The following IQGAP1 variants were observed in gnomAD, a reference collection of about 807,000 sequenced individuals.
IQGAP1 encodes the protein ras GTPase-activating-like protein IQGAP1.
IQGAP1 carries 66 observed loss-of-function variants against 215.6 expected under a neutral mutation model. The ratio of observed to expected loss-of-function variants is 0.31; its 90% CI spans 0.25 to 0.38. IQGAP1 has a LOEUF of 0.38. Ranked by LOEUF, IQGAP1 falls within the 10% of genes least tolerant of loss-of-function variation. IQGAP1 has a pLI of 1.00. For synonymous variants in IQGAP1, 772 were observed against 728.7 expected (o/e 1.06, Z -0.96); for missense variants, 1,712 against 1,997.1 (o/e 0.86, Z 2.72).
In IQGAP1 at chr15:90,477,105, G is replaced by A; in HGVS notation, c.2979G>A (p.Met993Ile). ...ATCTGGCCAAGCTCATTTTTCAGATGCCCCAGAACAAGTCCACCAAGTTCA... is the reference window on the plus strand; with the variant it reads ...ATCTGGCCAAGCTCATTTTTCAGATACCCCAGAACAAGTCCACCAAGTTCA... Reference protein sequence around the residue: ...PTYLAKLIFQMPQNKSTKFMD... With the variant: ...PTYLAKLIFQIPQNKSTKFMD... The change falls in exon 25 of 38, where the codon ATG (methionine) becomes ATA (isoleucine). Residue 993 changes from methionine to isoleucine, a missense_variant. Transcript: ENST00000268182. 2.5e-6 allele frequency: 4 copies of A among 1,613,816 alleles called. No individual in the cohort carries two copies. Among genetic ancestry groups the A allele is most frequent in the Non-Finnish European group, 3.4e-6 (4 of 1,179,950 alleles).
chr15:90,411,682 T>G (rs1423621487), intron 2 of IQGAP1, among the ~76,000 whole-genome samples: 1 of 152,200 alleles, frequency 6.6e-6, no homozygotes, highest in East Asian at 1.9e-4. Flanking sequence ...TTAGTAATGA[T>G]TAAGCTGTAG....
intron 3 of IQGAP1, among the ~76,000 whole-genome samples, chr15:90,427,290 A>T (rs1360474804): frequency 6.6e-6 from 1 of 152,172 alleles, no homozygotes; most frequent in Non-Finnish European, 1.5e-5. Flanking sequence ...GGCAAATTGA[A>T]TGCAAAAGTA....
intron 1 of IQGAP1, among the ~76,000 whole-genome samples, chr15:90,390,158 A>G (rs1964615053): frequency 6.6e-6 from 1 of 152,150 alleles, no homozygotes; most frequent in Non-Finnish European, 1.5e-5. Context: ...ATGCCTTCCC[A>G]AGGAGTTAGG....
chr15:90,395,278 T>C (rs900907759), intron 2 of IQGAP1, among the ~76,000 whole-genome samples: 4 of 152,052 alleles, frequency 2.6e-5, no homozygotes, highest in African/African-American at 4.8e-5. Context: ...CCTGTTCTTA[T>C]TGAGTTTTAC....
chr15:90,410,690 G>C (rs1056355207), intron 2 of IQGAP1, among the ~76,000 whole-genome samples: 24 of 144,086 alleles, frequency 1.7e-4, no homozygotes, highest in African/African-American at 5.8e-4. Flanking sequence ...CTGTTGTGGG[G>C]TAGGGGGAGG....
At chr15:90,491,600 G>T in intron 34 of IQGAP1, 55 bp downstream of exon 34, 1 of 1,404,558 alleles carries the variant, frequency 7.1e-7, no homozygotes. Context: ...TGAGAGGCTC[G>T]AGAGACAGTA....
intron 25 of IQGAP1, 134 bp downstream of exon 25, chr15:90,477,364 A>G (rs1427853884): frequency 2.6e-6 from 2 of 775,372 alleles, no homozygotes; most frequent in Middle Eastern, 3.7e-4. Flanking sequence ...AGAAGCATCT[A>G]ATTTTTAAAT....
intron 32 of IQGAP1, 97 bp from the exon 33 acceptor site, chr15:90,487,398 G>C (rs1385356389): frequency 3.5e-6 from 3 of 852,256 alleles, no homozygotes; most frequent in Non-Finnish European, 3.9e-6. Context: ...ACTTCTGTGA[G>C]GTACTGTTTG....
Position 90,441,274 on chromosome 15 carries a change from A to G in IQGAP1, c.650-232A>G, listed in dbSNP as rs371275549. Among the ~76,000 whole-genome samples the G allele has an allele frequency of 1.6e-4, 24 of 152,314 alleles. No individual in the cohort carries two copies. The East Asian group carries it at 4.4e-3, about 28-fold the overall frequency. ...TTCTCTGTGAGATTCTAAATTCACC[A>G]TCCCAGACATGGATCACAGATGGAG... is the stretch of plus-strand genomic sequence containing the variant. On this transcript the variant is annotated intron_variant, in intron 7 of 37. Transcript: ENST00000268182.
Position 90,424,564 on chromosome 15 carries a change from C to T in IQGAP1, c.156-1546C>T, listed in dbSNP as rs371798326. Among the ~76,000 whole-genome samples the T allele has an allele frequency of 2.6e-4, 40 of 152,314 alleles. No homozygotes were observed. In the East Asian group the frequency reaches 5.2e-3, roughly 20 times the overall value. ...TTTAAAAGCAAGACTGAGCTGGGAA[C>T]GGTGGCTTACGCCTGTAATCCCAGC... On this transcript the variant is annotated intron_variant, in intron 2 of 37. Coordinates refer to ENST00000268182, the MANE Select transcript of IQGAP1 (RefSeq NM_003870.4).
intron 2 of IQGAP1, among the ~76,000 whole-genome samples, chr15:90,408,097 C>CT (rs1421960077): frequency 6.6e-6 from 1 of 152,174 alleles, no homozygotes; most frequent in Admixed American, 6.5e-5. Context: ...AAGCATAACA[C>CT]TATGTATACT....
chr15:90,411,982 G>A (rs1168513194), intron 2 of IQGAP1, among the ~76,000 whole-genome samples: 3 of 152,046 alleles, frequency 2.0e-5, no homozygotes, highest in Non-Finnish European at 2.9e-5. Flanking sequence ...ATAATATTTA[G>A]TAAATTTGCT....
At chr15:90,494,600 ACTTATG>A (rs951952576) in intron 35 of IQGAP1, 107 bp from the exon 36 acceptor site, 2 of 816,524 alleles carry the variant, frequency 2.4e-6, no homozygotes, top group African/African-American at 1.8e-5. Flanking sequence ...TTGGTATGTT[ACTTATG>A]CTTATGTCTG....
At chr15:90,393,283 T>C (rs556456137) in intron 2 of IQGAP1, among the ~76,000 whole-genome samples, 3 of 152,268 alleles carry the variant, frequency 2.0e-5, no homozygotes, top group African/African-American at 7.2e-5. Flanking sequence ...AATGGCATAG[T>C]ATTTGCATAT....
At chr15:90,396,772 G>A (rs1007715155) in intron 2 of IQGAP1, among the ~76,000 whole-genome samples, 1 of 152,094 alleles carries the variant, frequency 6.6e-6, no homozygotes, top group Non-Finnish European at 1.5e-5. Flanking sequence ...TTGTAACACT[G>A]TTGCAAATGG....
chr15:90,492,007 C>T (rs1165531431), intron 34 of IQGAP1, among the ~76,000 whole-genome samples: 1 of 152,062 alleles, frequency 6.6e-6, no homozygotes, highest in Non-Finnish European at 1.5e-5. Context: ...TTCTCCCTTT[C>T]CCAACAAAAT....
rs1183931620 is a variant in IQGAP1 at position 90,473,990 on chromosome 15, G to C, written c.2505+23G>C. On this transcript the variant is annotated intron_variant, in intron 21 of 37. Coordinates refer to ENST00000268182, the MANE Select transcript of IQGAP1 (RefSeq NM_003870.4). The stretch of plus-strand genomic sequence containing the variant: ...CATGTAAGCACCCTTGGATCATACA[G>C]GCCATTAGGGGCAATTTTGCCATAT... 2.5e-6 allele frequency: 4 copies of C among 1,612,270 alleles called. No individual in the cohort carries two copies. In the South Asian group the frequency reaches 4.4e-5, roughly 18 times the overall value.
At chr15:90,423,110 C>A (rs1965171383) in intron 2 of IQGAP1, among the ~76,000 whole-genome samples, 1 of 152,240 alleles carries the variant, frequency 6.6e-6, no homozygotes, top group African/African-American at 2.4e-5. Flanking sequence ...GGGGAAATCT[C>A]ATGTGAGCTG....
At chr15:90,484,490 T>C in intron 30 of IQGAP1, 138 bp downstream of exon 30, 2 of 638,756 alleles carry the variant, frequency 3.1e-6, no homozygotes, top group East Asian at 5.8e-5. Flanking sequence ...TCTCTTTTTT[T>C]GCTTGTTATT....
Sources: gnomAD v4.1 joint callset for allele counts (sites outside exome capture counted in the v4.1 genomes callset) on GRCh38, gnomAD v4.1.1 for gene constraint, MANE v1.5 for transcripts, NCBI Gene and HGNC (gene_info 2026-07-23, HGNC 2026-07-21) for gene names.